Variants in PDE8B observed in about 807,000 individuals in gnomAD.
PDE8B encodes the protein phosphodiesterase 8B, also known as high affinity cAMP-specific and IBMX-insensitive 3',5'-cyclic phosphodiesterase 8B.
PDE8B carries 26 observed loss-of-function variants against 101.3 expected under a neutral mutation model. The observed-to-expected ratio is 0.26, with a 90% CI of 0.19 to 0.36. PDE8B has a LOEUF of 0.36. Among genes scored for constraint, PDE8B ranks in the 10% least tolerant of loss-of-function variants. The probability of loss-of-function intolerance (pLI) is 1.00; values close to 1 mark genes in which losing one functional copy is unlikely to be tolerated. For synonymous variants in PDE8B, 424 were observed against 429.3 expected, an observed-to-expected ratio of 0.99 and a Z score of 0.15; for missense variants, 810 against 1,163.1, an observed-to-expected ratio of 0.70 and a Z score of 4.42.
At chr5:77,364,791 G>C (rs1783815821) in intron 10 of PDE8B, among the ~76,000 whole-genome samples, 1 of 152,176 alleles carries the variant, frequency 6.6e-6, no homozygotes, top group Non-Finnish European at 1.5e-5. Flanking sequence ...AGTTCTGCAA[G>C]TGCCTTTTGA....
At chr5:77,313,287 C>T (rs1443941140) in intron 2 of PDE8B, among the ~76,000 whole-genome samples, 1 of 147,268 alleles carries the variant, frequency 6.8e-6, no homozygotes, top group African/African-American at 2.5e-5. Context: ...AAATGCAAAT[C>T]TAGGAAAGGA....
chr5:77,396,228 C>T (rs547937756), intron 10 of PDE8B, among the ~76,000 whole-genome samples: 3 of 152,340 alleles, frequency 2.0e-5, no homozygotes, highest in East Asian at 3.9e-4. Flanking sequence ...TTGCCCTTCC[C>T]CCACATTGAC....
At chr5:77,188,748 G>A in the PDE8B span, among the ~76,000 whole-genome samples, 19 of 152,242 alleles carry the variant, frequency 1.2e-4, no homozygotes, top group African/African-American at 4.6e-4. Flanking sequence ...AGAGGACAAT[G>A]TAATATTGTC....
At chr5:77,200,845 T>C in the PDE8B span, among the ~76,000 whole-genome samples, 1 of 152,194 alleles carries the variant, frequency 6.6e-6, no homozygotes, top group Non-Finnish European at 1.5e-5. Flanking sequence ...GCCTCAAATA[T>C]GAGGTATGAA....
In PDE8B at chr5:77,378,664, G is replaced by A. The variant is rs193071425; in HGVS notation, c.1168-21584G>A. Among the ~76,000 whole-genome samples, 574 of 152,186 alleles carry A rather than the reference G, an allele frequency of 3.8e-3. 3 individuals are homozygous for A. Among genetic ancestry groups the A allele is most frequent in the African/African-American group, 0.013 (524 of 41,504 alleles). On this transcript the variant is annotated intron_variant, in intron 10 of 21. Coordinates refer to ENST00000264917, the MANE Select transcript of PDE8B (RefSeq NM_003719.5). The stretch of plus-strand genomic sequence containing the variant: ...ACAAGCTTCAGGTGTTGCCAATGCC[G>A]CCGGTACACTGAGCACACCTTAAAT...
At chr5:77,168,553 G>A in the PDE8B span, among the ~76,000 whole-genome samples, 382 of 152,360 alleles carry the variant, frequency 2.5e-3, no homozygotes, top group African/African-American at 8.7e-3. Flanking sequence ...AGCTGGATCT[G>A]GATGGAATGG....
chr5:77,341,346 G>A (rs1677018990), intron 6 of PDE8B, among the ~76,000 whole-genome samples: 1 of 151,912 alleles, frequency 6.6e-6, no homozygotes. Context: ...TGTCTTATGG[G>A]GCTTTATACT....
At chr5:77,089,232 T>G in the PDE8B span, 1 of 152,340 alleles carries the variant, frequency 6.6e-6, no homozygotes, top group South Asian at 2.1e-4. Context: ...GCTGGGGCAT[T>G]AGATTCTCAT....
intron 1 of PDE8B, among the ~76,000 whole-genome samples, chr5:77,251,839 GA>G (rs1259432017): frequency 2.6e-5 from 4 of 152,106 alleles, no homozygotes; most frequent in Non-Finnish European, 5.9e-5. Flanking sequence ...TTCAGTTCTA[GA>G]ATTTTAATTT....
At chr5:77,224,605 C>T (rs1751920368) in intron 1 of PDE8B, among the ~76,000 whole-genome samples, 1 of 152,110 alleles carries the variant, frequency 6.6e-6, no homozygotes, top group South Asian at 2.1e-4. Context: ...TTAGCAAATC[C>T]CTAAATTAAA....
chr5:77,389,434 G>A (rs931082085), intron 10 of PDE8B, among the ~76,000 whole-genome samples: 1 of 152,110 alleles, frequency 6.6e-6, no homozygotes, highest in African/African-American at 2.4e-5. Flanking sequence ...GATGAACCCC[G>A]GGTACCTCAG....
chr5:77,376,950 G>C (rs946804991), intron 10 of PDE8B, among the ~76,000 whole-genome samples: 4 of 152,122 alleles, frequency 2.6e-5, no homozygotes, highest in Non-Finnish European at 1.5e-5. Flanking sequence ...AATCTAGGAG[G>C]CATGTGGGTT....
chr5:77,116,551 A>G, the PDE8B span, among the ~76,000 whole-genome samples: 1 of 152,114 alleles, frequency 6.6e-6, no homozygotes, highest in Non-Finnish European at 1.5e-5. Context: ...CTCTCAAATT[A>G]TATTTCTAAG....
At chr5:77,197,109 C>CTTTTT in the PDE8B span, among the ~76,000 whole-genome samples, 11 of 94,658 alleles carry the variant, frequency 1.2e-4, no homozygotes, top group Non-Finnish European at 2.1e-4. Context: ...TTAAAAAAAA[C>CTTTTT]TTTTTTTTTT....
the PDE8B span, chr5:77,118,714 A>G: frequency 9.3e-6 from 2 of 214,022 alleles, no homozygotes; most frequent in Admixed American, 1.2e-4. Context: ...TCAGTGTAGA[A>G]TATTCCCAGC....
chr5:77,142,384 G>C, the PDE8B span: 1 of 152,112 alleles, frequency 6.6e-6, no homozygotes, highest in Non-Finnish European at 1.5e-5. Context: ...ACAAGTGTAC[G>C]TACCCATGGA....
At chr5:77,362,308 G>A (rs1433727683) in intron 10 of PDE8B, among the ~76,000 whole-genome samples, 1 of 152,120 alleles carries the variant, frequency 6.6e-6, no homozygotes, top group Non-Finnish European at 1.5e-5. Flanking sequence ...ACATAAACAT[G>A]CAATTAAACA....
At chr5:77,241,327 T>C (rs1261517209) in intron 1 of PDE8B, among the ~76,000 whole-genome samples, 2 of 152,186 alleles carry the variant, frequency 1.3e-5, no homozygotes, top group African/African-American at 4.8e-5. Context: ...AGAAAGAACC[T>C]TAATTGATGT....
the PDE8B span, among the ~76,000 whole-genome samples, chr5:77,094,792 AAG>A: frequency 1.3e-5 from 2 of 152,136 alleles, no homozygotes; most frequent in African/African-American, 4.8e-5. Context: ...GAGGAGAGGA[AAG>A]AGAGAGTAGA....
Sources: gnomAD v4.1 joint callset for allele counts (sites outside exome capture counted in the v4.1 genomes callset) on GRCh38, gnomAD v4.1.1 for gene constraint, MANE v1.5 for transcripts, NCBI Gene and HGNC (gene_info 2026-07-23, HGNC 2026-07-21) for gene names.